TSTD2: variants seen among roughly 807,000 people sequenced by gnomAD.
TSTD2 encodes the protein thiosulfate sulfurtransferase/rhodanese-like domain-containing protein 2.
In TSTD2, 37 loss-of-function variants were observed where a neutral mutation model predicts 47.9. The ratio of observed to expected loss-of-function variants is 0.77; its 90% CI spans 0.59 to 1.02. The LOEUF (loss-of-function observed/expected upper bound fraction) is 1.02. TSTD2 is among the 50% of genes least tolerant of loss of function. The probability of loss-of-function intolerance (pLI) is 0.00; values close to 1 mark genes in which losing one functional copy is unlikely to be tolerated. For missense variants in TSTD2, 586 were observed against 616.0 expected (o/e 0.95, Z 0.52); for synonymous variants, 201 against 215.9 (o/e 0.93, Z 0.61).
intron 3 of TSTD2, among the ~76,000 whole-genome samples, chr9:97,623,265 G>A (rs1223271804): frequency 1.3e-5 from 2 of 152,212 alleles, no homozygotes; most frequent in Admixed American, 6.5e-5. Context: ...CTCTTTGCCT[G>A]CTGCCATCTA....
At position 97,625,939 on chromosome 9, in the gene TSTD2, T is replaced by A; in HGVS notation, c.224A>T (p.Lys75Ile). The A allele has an allele frequency of 6.2e-7, 1 of 1,613,924 alleles. No homozygotes were observed. Residue 75 changes from lysine (K) to isoleucine (I), a missense_variant, in exon 3 of 10, where the codon AAA (lysine) becomes ATA (isoleucine). Physicochemically the swap from Lys to Ile is moderately radical, Grantham distance 102. Coordinates refer to ENST00000341170, the MANE Select transcript of TSTD2 (RefSeq NM_139246.5). ...EVPTKRSFEC[K>I]EKLWKCCRQL... Reference sequence around the variant, plus strand: ...CCGACAGCATTTCCACAATTTTTCTTTACATTCAAAACTCCTTTTTGTTGG... The same window carrying A: ...CCGACAGCATTTCCACAATTTTTCTATACATTCAAAACTCCTTTTTGTTGG...
chr9:97,632,747 A>G (rs1167753017), intron 1 of TSTD2, among the ~76,000 whole-genome samples: 1 of 152,228 alleles, frequency 6.6e-6, no homozygotes, highest in Non-Finnish European at 1.5e-5. Flanking sequence ...TGTTGAAAGC[A>G]GAGCAGGCAG....
At chr9:97,619,460 C>T (rs573313623) in intron 3 of TSTD2, among the ~76,000 whole-genome samples, 8 of 152,190 alleles carry the variant, frequency 5.3e-5, no homozygotes, top group East Asian at 3.9e-4. Context: ...ACCTTTATGA[C>T]GAACCATTTA....
At chr9:97,604,526 C>T in intron 9 of TSTD2, 1 of 710,174 alleles carries the variant, frequency 1.4e-6, no homozygotes, top group Non-Finnish European at 2.2e-6. Context: ...AGCCAGGATC[C>T]CAACCCAGGC....
intron 1 of TSTD2, among the ~76,000 whole-genome samples, chr9:97,631,265 C>T (rs55966848): frequency 0.12 from 17,931 of 151,882 alleles, 3,010 homozygotes; most frequent in African/African-American, 0.37. Flanking sequence ...TACAGCTGCA[C>T]GCCACCACAC....
chr9:97,620,543 C>T (rs182158205), intron 3 of TSTD2, among the ~76,000 whole-genome samples: 361 of 152,184 alleles, frequency 2.4e-3, no homozygotes, highest in Middle Eastern at 6.8e-3. Context: ...GCTGAGAAGA[C>T]GACAAGAAGA....
At position 97,620,654 on chromosome 9, in the gene TSTD2, T is replaced by C. The variant is rs145507755; in HGVS notation, c.483-2777A>G. On this transcript the variant is annotated intron_variant, in intron 3 of 9. Transcript: ENST00000341170. ...AACTTCAGGCTGAGGTGGTCTCAGA[T>C]GGAGATGAGGAACTTCTTGGGAACT... is the stretch of plus-strand genomic sequence containing the variant. Among the ~76,000 whole-genome samples the C allele has an allele frequency of 3.6e-3, 555 of 152,208 alleles. 3 individuals carry two copies. The highest frequency in any genetic ancestry group is 0.013 in the African/African-American group (537 of 41,536).
Position 97,633,359 on chromosome 9 carries a change from C to T in TSTD2, c.-167G>A. On this transcript the variant is annotated 5_prime_UTR_variant, in exon 1 of 10. Coordinates refer to ENST00000341170, the MANE Select transcript of TSTD2 (RefSeq NM_139246.5). ...CGCCGCGTATTTGGGTAGAAAAGCT[C>T]GCTCGTGACGTCACCAAGCTCCGGA... The T allele has an allele frequency of 2.6e-6, 1 of 378,510 alleles. No individual in the cohort carries two copies. The highest frequency in any genetic ancestry group is 4.7e-6 in the Non-Finnish European group (1 of 213,170). The allele number at this position is 378,510 out of a possible 1,614,324, so 23.4% of individuals were successfully genotyped here. A position where few individuals can be genotyped will look rare whatever the true frequency, so the allele number is the denominator to read the frequency against.
intron 9 of TSTD2, 173 bp downstream of exon 9, chr9:97,604,548 TGGGCTA>T (rs1463271680): frequency 1.1e-6 from 1 of 930,270 alleles, no homozygotes; most frequent in Non-Finnish European, 1.5e-6. Flanking sequence ...TCCTGACTCC[TGGGCTA>T]GGGTTCTCTC....
chr9:97,627,247 T>C (rs1826737099), intron 2 of TSTD2, 151 bp downstream of exon 2: 1 of 1,351,240 alleles, frequency 7.4e-7, no homozygotes, highest in Admixed American at 3.3e-5. Context: ...TTGCCTATGA[T>C]TACCCTTTGC....
chr9:97,601,055 T>C lies in TSTD2; in HGVS notation c.*1414A>G. The C allele has an allele frequency of 7.7e-7, 1 of 1,303,698 alleles. No individual in the cohort carries two copies. Among genetic ancestry groups the C allele is most frequent in the Non-Finnish European group, 1.0e-6 (1 of 988,662 alleles). 80.8% of individuals were successfully genotyped at this position (1,303,698 alleles called of 1,614,324 possible). A position where few individuals can be genotyped will look rare whatever the true frequency, so the allele number is the denominator to read the frequency against. On this transcript the variant is annotated 3_prime_UTR_variant, in exon 10 of 10. Coordinates refer to ENST00000341170, the MANE Select transcript of TSTD2 (RefSeq NM_139246.5). Reference sequence around the variant, plus strand: ...GCCTGCGCACTGAACTGTAAGGCAGTGGGCAGTACAGGGTAACTGGAGGCG... The same window carrying C: ...GCCTGCGCACTGAACTGTAAGGCAGCGGGCAGTACAGGGTAACTGGAGGCG...
intron 6 of TSTD2, chr9:97,610,068 C>T (rs1410868021): frequency 4.0e-5 from 10 of 248,908 alleles, no homozygotes; most frequent in Non-Finnish European, 6.2e-5. Flanking sequence ...AATAATTACA[C>T]TCTTCCCAAA....
chr9:97,620,827 G>A (rs1826623135), intron 3 of TSTD2, among the ~76,000 whole-genome samples: 1 of 152,196 alleles, frequency 6.6e-6, no homozygotes, highest in South Asian at 2.1e-4. Flanking sequence ...TGCTGTTAAA[G>A]GCATTCAGTT....
rs1826250958 is a variant in TSTD2 at position 97,601,212 on chromosome 9, C to T, written c.*1257G>A. 1.1e-5 allele frequency: 14 copies of T among 1,285,292 alleles called. No homozygotes were observed. The highest frequency in any genetic ancestry group is 5.1e-5 in the South Asian group (4 of 78,212). The allele number at this position is 1,285,292 out of a possible 1,614,324, so 79.6% of individuals were successfully genotyped here. On this transcript the variant is annotated 3_prime_UTR_variant, in exon 10 of 10. Coordinates refer to ENST00000341170, the MANE Select transcript of TSTD2 (RefSeq NM_139246.5). ...ACACAATTGCAGCTGCATTCTGCAT[C>T]GCTGAAAACTGCAATATAATATTAA... is the stretch of plus-strand genomic sequence containing the variant.
Position 97,602,518 on chromosome 9 carries a change from C to T in TSTD2, c.1502G>A (p.Ser501Asn). 1 of 1,613,850 alleles carries T rather than the reference C, an allele frequency of 6.2e-7. No individual in the cohort carries two copies. Among genetic ancestry groups the T allele is most frequent in the Non-Finnish European group, 8.5e-7 (1 of 1,179,800 alleles). The part of the protein sequence containing the change: ...ELLQHVRQPV[S>N]PEPGPDADED... ...ATCAGCATCAGGCCCTGGCTCTGGG[C>T]TCACAGGCTGTCGCACATGCTGCAA... The change falls in exon 10 of 10, where the codon AGC (serine) becomes AAC (asparagine). Residue 501 changes from serine (S) to asparagine (N), a missense_variant. Coordinates refer to ENST00000341170, the MANE Select transcript of TSTD2 (RefSeq NM_139246.5).
chr9:97,624,881 A>G (rs1826695003), intron 3 of TSTD2, among the ~76,000 whole-genome samples: 1 of 152,216 alleles, frequency 6.6e-6, no homozygotes, highest in Non-Finnish European at 1.5e-5. Flanking sequence ...CTGGATACGT[A>G]TATTTGAAAT....
At chr9:97,609,271 T>C (rs1826418429) in intron 6 of TSTD2, among the ~76,000 whole-genome samples, 1 of 152,218 alleles carries the variant, frequency 6.6e-6, no homozygotes, top group Non-Finnish European at 1.5e-5. Flanking sequence ...AATGTAAAAT[T>C]GTGTAGCTCA....
In TSTD2 at chr9:97,602,590, T is replaced by A; in HGVS notation, c.1430A>T (p.Glu477Val). ...VSGPMQDSFKEECECTARRPR... is the reference protein window; with the variant it reads ...VSGPMQDSFKVECECTARRPR... ...CCGTCGGGCTGTGCACTCGCATTCC[T>A]CTTTAAAGCTGTCTTGCATAGGGCC... Residue 477 changes from glutamate to valine, a missense_variant, in exon 10 of 10, where the codon GAG becomes GTG. By Grantham distance (121) the Glu-to-Val change is moderately radical (BLOSUM62 -2). Transcript: ENST00000341170. The A allele has an allele frequency of 1.9e-6, 3 of 1,614,224 alleles. No individual in the cohort carries two copies. Among genetic ancestry groups the A allele is most frequent in the Non-Finnish European group, 2.5e-6 (3 of 1,180,036 alleles).
chr9:97,602,806 A>G, intron 9 of TSTD2, 39 bp from the exon 10 acceptor site: 1 of 1,557,378 alleles, frequency 6.4e-7, no homozygotes, highest in Non-Finnish European at 8.7e-7. Flanking sequence ...AAACACATAC[A>G]TTCACACACA....
Sources: allele counts gnomAD v4.1 joint callset (sites outside exome capture counted in the v4.1 genomes callset), GRCh38; gene constraint gnomAD v4.1.1; transcripts MANE v1.5; gene names NCBI Gene and HGNC (gene_info 2026-07-23, HGNC 2026-07-21).